The following SLC2A2 variants were observed in gnomAD, a reference collection of about 807,000 sequenced individuals.
The protein encoded by SLC2A2 is solute carrier family 2 member 2.
A neutral mutation model predicts 54.5 loss-of-function variants in SLC2A2; 36 were observed. That is an observed-to-expected ratio of 0.66 (90% CI 0.51 to 0.87). The LOEUF (loss-of-function observed/expected upper bound fraction) is 0.87, where lower values mean the gene tolerates loss of function less well. SLC2A2 is among the 40% of genes least tolerant of loss of function. SLC2A2 has a pLI of 0.00. For synonymous variants in SLC2A2, 223 were observed against 219.1 expected (o/e 1.02, Z -0.16); for missense variants, 543 against 624.3 (o/e 0.87, Z 1.39).
In SLC2A2 at chr3:171,009,838, G is replaced by A. The variant is rs151223374; in HGVS notation, c.496+120C>T. Reference sequence around the variant, plus strand: ...TTTATGCTATTGCCTTTCCCTCTGTGATGTCACCCTAGACTCAAAAATATC... The same window carrying A: ...TTTATGCTATTGCCTTTCCCTCTGTAATGTCACCCTAGACTCAAAAATATC... On this transcript the variant is annotated intron_variant, in intron 4 of 10. Coordinates refer to ENST00000314251, the MANE Select transcript of SLC2A2 (RefSeq NM_000340.2). 4 of 1,385,256 alleles carry A rather than the reference G, an allele frequency of 2.9e-6. No homozygotes were observed. The East Asian group carries it at 7.7e-5, about 27-fold the overall frequency. 85.8% of individuals were successfully genotyped at this position (1,385,256 alleles called of 1,614,324 possible).
At chr3:171,012,063 T>A (rs1715907782) in intron 3 of SLC2A2, among the ~76,000 whole-genome samples, 1 of 152,190 alleles carries the variant, frequency 6.6e-6, no homozygotes, top group Non-Finnish European at 1.5e-5. Context: ...TGACTCTAAA[T>A]ACTTCAGATA....
In SLC2A2 at chr3:171,007,261, G is replaced by A. The variant is rs764767259; in HGVS notation, c.499C>T (p.Leu167=). ...TACATAGGAACCAGGCCTGAAATTA[G>A]CCCTGCATGAAACATAAACATAAAT... The part of the protein sequence containing the change: ...GRSISGLYCG[L]ISGLVPMYIG... Residue 167 remains leucine, a splice_region_variant and synonymous_variant, in exon 5 of 11, where the codon CTA becomes TTA. Transcript: ENST00000314251. 1.9e-6 allele frequency: 3 copies of A among 1,582,166 alleles called. No homozygotes were observed. The highest frequency in any genetic ancestry group is 2.6e-6 in the Non-Finnish European group (3 of 1,151,568).
chr3:170,998,631 G>A (rs1251506196), intron 9 of SLC2A2, among the ~76,000 whole-genome samples: 1 of 152,114 alleles, frequency 6.6e-6, no homozygotes, highest in Non-Finnish European at 1.5e-5. Flanking sequence ...AAGAGGCAGG[G>A]CAAGGATCCA....
chr3:171,002,375 C>T lies in SLC2A2; in HGVS notation c.1068+201G>A, dbSNP rs527293810. Among the ~76,000 whole-genome samples, 7 of 152,072 alleles carry T rather than the reference C, an allele frequency of 4.6e-5. No individual in the cohort carries two copies. The South Asian group carries it at 8.3e-4, about 18-fold the overall frequency. On this transcript the variant is annotated intron_variant, in intron 8 of 10. Coordinates refer to ENST00000314251, the MANE Select transcript of SLC2A2 (RefSeq NM_000340.2). ...GCATCCCAGCAGTGCAGAGAATCAG[C>T]GATTCACCTCAGTTATGCCTAATCT...
rs1380319602 is a variant in SLC2A2 at position 171,006,059 on chromosome 3, A to T, written c.659T>A (p.Ile220Asn). ...TCGCACACCAGACAGGCCAAGCAGG[A>T]TGTGCCACAGATCATAATTGCCCAA... ...FILGNYDLWH[I>N]LLGLSGVRAI... Residue 220 changes from isoleucine (I) to asparagine (N), a missense_variant, in exon 6 of 11, where the codon ATC (isoleucine) becomes AAC (asparagine). Physicochemically the swap from Ile to Asn is moderately radical, Grantham distance 149. Coordinates refer to ENST00000314251, the MANE Select transcript of SLC2A2 (RefSeq NM_000340.2). The T allele has an allele frequency of 1.2e-6, 2 of 1,612,704 alleles. No individual in the cohort carries two copies. Among genetic ancestry groups the T allele is most frequent in the Admixed American group, 1.7e-5 (1 of 59,858 alleles).
At chr3:171,008,179 A>G (rs954236702) in intron 4 of SLC2A2, among the ~76,000 whole-genome samples, 4 of 152,268 alleles carry the variant, frequency 2.6e-5, no homozygotes, top group African/African-American at 7.2e-5. Flanking sequence ...ATTGAAATGG[A>G]TGATCTTTGT....
intron 1 of SLC2A2, among the ~76,000 whole-genome samples, chr3:171,025,976 T>TTG (rs757424436): frequency 1.4e-4 from 22 of 151,980 alleles, no homozygotes; most frequent in Non-Finnish European, 2.9e-4. Context: ...TCTGTAGTGT[T>TTG]TGTGTGTGTG....
At chr3:171,002,074 T>G (rs1715361447) in intron 8 of SLC2A2, among the ~76,000 whole-genome samples, 1 of 152,016 alleles carries the variant, frequency 6.6e-6, no homozygotes, top group African/African-American at 2.4e-5. Flanking sequence ...TTGCTGAGTC[T>G]GTTTAACTTT....
chr3:171,005,714 G>A (rs1317183018), intron 6 of SLC2A2, among the ~76,000 whole-genome samples: 2 of 151,966 alleles, frequency 1.3e-5, no homozygotes, highest in Admixed American at 6.6e-5. Flanking sequence ...GCATAATGCT[G>A]GAGGGATCTT....
chr3:171,006,773 A>G (rs557026523), intron 5 of SLC2A2, among the ~76,000 whole-genome samples: 1 of 152,146 alleles, frequency 6.6e-6, no homozygotes, highest in East Asian at 1.9e-4. Context: ...AACAAAGGAA[A>G]CCCAGGCAGT....
At chr3:171,014,332 TGCCTCATAGG>T (rs1343215263) in intron 3 of SLC2A2, 127 bp downstream of exon 3, 54 of 848,182 alleles carry the variant, frequency 6.4e-5, no homozygotes, top group Non-Finnish European at 1.0e-4. Flanking sequence ...AACACTGATA[TGCCTCATAGG>T]GTCATGAGTT....
intron 10 of SLC2A2, 25 bp downstream of exon 10, chr3:170,998,168 A>G: frequency 6.2e-7 from 1 of 1,613,476 alleles, no homozygotes; most frequent in African/African-American, 1.3e-5. Flanking sequence ...TGTTCAGTAA[A>G]TCTGTGGAAT....
intron 7 of SLC2A2, 81 bp downstream of exon 7, chr3:171,005,204 A>G: frequency 9.0e-7 from 1 of 1,115,576 alleles, no homozygotes; most frequent in Non-Finnish European, 1.4e-6. Flanking sequence ...AATATCTTTT[A>G]GCTATTTAAA....
In SLC2A2 at chr3:171,005,333, T is replaced by C; in HGVS notation, c.915A>G (p.Leu305=). 1 of 1,613,058 alleles carries C rather than the reference T, an allele frequency of 6.2e-7. No individual in the cohort carries two copies. The highest frequency in any genetic ancestry group is 1.1e-5 in the South Asian group (1 of 91,062). The stretch of plus-strand genomic sequence containing the variant: ...GAGCCACATGCAGCATCAGTGCCAC[T>C]AGAATAGGCTGTCGGTAGCTGGAAT... ...FTNSSYRQPI[L]VALMLHVAQQ... The change falls in exon 7 of 11, where the codon CTA becomes CTG. Residue 305 remains leucine, a synonymous_variant. Transcript: ENST00000314251.
chr3:171,002,694 A>G lies in SLC2A2; in HGVS notation c.964-14T>C. 6.8e-7 allele frequency: 1 copy of G among 1,473,076 alleles called. No homozygotes were observed. The highest frequency in any genetic ancestry group is 9.5e-7 in the Non-Finnish European group (1 of 1,057,818). The allele number at this position is 1,473,076 out of a possible 1,614,324, so 91.3% of individuals were successfully genotyped here. A position where few individuals can be genotyped will look rare whatever the true frequency, so the allele number is the denominator to read the frequency against. On this transcript the variant is annotated splice_polypyrimidine_tract_variant and intron_variant, in intron 7 of 10. Transcript: ENST00000314251. ...GTAGTAAAAAATCTGCAAAGTAAAA[A>G]CAGGTTAGCCTTAATCTTAAGAAGT...
At chr3:171,014,313 A>G (rs1716024452) in intron 3 of SLC2A2, among the ~76,000 whole-genome samples, 156 bp downstream of exon 3, 1 of 152,164 alleles carries the variant, frequency 6.6e-6, no homozygotes, top group Non-Finnish European at 1.5e-5. Flanking sequence ...TTTTTCATTG[A>G]TTTGATCTAA....
rs1715075393 is a variant in SLC2A2, at chr3:170,996,414, A to C, written c.*1489T>G. The C allele has an allele frequency of 2.6e-6, 1 of 390,106 alleles. No homozygotes were observed. Among genetic ancestry groups the C allele is most frequent in the African/African-American group, 2.1e-5 (1 of 48,368 alleles). 24.2% of individuals were successfully genotyped at this position (390,106 alleles called of 1,614,324 possible). On this transcript the variant is annotated 3_prime_UTR_variant, in exon 11 of 11. Coordinates refer to ENST00000314251, the MANE Select transcript of SLC2A2 (RefSeq NM_000340.2). The stretch of plus-strand genomic sequence containing the variant: ...TATATGTGAACAACTTTAGAAAACA[A>C]AGCAAATGTTCAGTGGTTTTTAATT...
chr3:171,012,532 C>T (rs536695891), intron 3 of SLC2A2, among the ~76,000 whole-genome samples: 12 of 152,246 alleles, frequency 7.9e-5, no homozygotes, highest in African/African-American at 2.2e-4. Flanking sequence ...GAAAAATTGG[C>T]CTTGCAAACC....
intron 1 of SLC2A2, among the ~76,000 whole-genome samples, chr3:171,023,451 G>A (rs1348733228): frequency 6.6e-6 from 1 of 152,104 alleles, no homozygotes; most frequent in Non-Finnish European, 1.5e-5. Context: ...AAGAAGTAAT[G>A]TTTATAGTCA....
Sources: gnomAD v4.1 joint callset for allele counts (sites outside exome capture counted in the v4.1 genomes callset) on GRCh38, gnomAD v4.1.1 for gene constraint, MANE v1.5 for transcripts, NCBI Gene and HGNC (gene_info 2026-07-23, HGNC 2026-07-21) for gene names.